TCF7L2: variants seen among roughly 807,000 people sequenced by gnomAD.
TCF7L2 encodes the protein transcription factor 7 like 2.
In TCF7L2, 23 loss-of-function variants were observed where a neutral mutation model predicts 77.9. The ratio of observed to expected loss-of-function variants is 0.30; its 90% CI spans 0.21 to 0.42. TCF7L2 has a LOEUF of 0.42. Ranked by LOEUF, TCF7L2 falls within the 10% of genes least tolerant of loss-of-function variation. The probability of loss-of-function intolerance (pLI) is 1.00; values close to 1 mark genes in which losing one functional copy is unlikely to be tolerated. For missense variants in TCF7L2, 654 were observed against 793.1 expected (o/e 0.82, Z 2.11); for synonymous variants, 413 against 340.2 (o/e 1.21, Z -2.36).
chr10:113,116,432 G>A (rs1050397620), intron 5 of TCF7L2, among the ~76,000 whole-genome samples: 8 of 152,112 alleles, frequency 5.3e-5, no homozygotes, highest in Non-Finnish European at 1.2e-4. Flanking sequence ...TGCAAACATT[G>A]CCAGTATCTT....
At chr10:112,951,650 C>T (rs1194803149) in intron 3 of TCF7L2, 43 bp downstream of exon 3, 2 of 1,064,472 alleles carry the variant, frequency 1.9e-6, no homozygotes, top group South Asian at 8.7e-5. Context: ...GCCCGCCCGC[C>T]CGCGCCGCCC....
intron 11 of TCF7L2, among the ~76,000 whole-genome samples, chr10:113,155,041 A>G (rs935265800): frequency 1.4e-5 from 2 of 145,502 alleles, no homozygotes; most frequent in African/African-American, 5.2e-5. Flanking sequence ...TACTTTGGTC[A>G]TTGTAAACTC....
chr10:113,128,225 CACTT>C (rs1353694173), intron 5 of TCF7L2, among the ~76,000 whole-genome samples: 7 of 152,108 alleles, frequency 4.6e-5, no homozygotes, highest in African/African-American at 7.2e-5. Flanking sequence ...TGCTGCCTGA[CACTT>C]ACACAGGAAG....
At chr10:113,085,652 T>G (rs1311476879) in intron 5 of TCF7L2, among the ~76,000 whole-genome samples, 1 of 152,198 alleles carries the variant, frequency 6.6e-6, no homozygotes, top group Non-Finnish European at 1.5e-5. Context: ...CCTTGATTCT[T>G]GATCCACGTG....
intron 5 of TCF7L2, among the ~76,000 whole-genome samples, chr10:113,130,585 G>C (rs960531624): frequency 6.6e-6 from 1 of 152,028 alleles, no homozygotes; most frequent in African/African-American, 2.4e-5. Flanking sequence ...CTTGCTTGTG[G>C]TGTGTTTTGT....
intron 4 of TCF7L2, among the ~76,000 whole-genome samples, chr10:113,007,075 C>T (rs1243216350): frequency 3.3e-5 from 5 of 152,228 alleles, no homozygotes; most frequent in African/African-American, 7.2e-5. Context: ...TGTGTATTAC[C>T]TGGGATGACT....
At chr10:113,041,928 C>G (rs2052519249) in intron 5 of TCF7L2, among the ~76,000 whole-genome samples, 1 of 151,932 alleles carries the variant, frequency 6.6e-6, no homozygotes, top group Admixed American at 6.6e-5. Flanking sequence ...CTTCGTTGTT[C>G]TCTCTCTTTG....
intron 5 of TCF7L2, among the ~76,000 whole-genome samples, chr10:113,069,285 C>T (rs1172071408): frequency 6.6e-6 from 1 of 151,382 alleles, no homozygotes; most frequent in Non-Finnish European, 1.5e-5. Context: ...GCTGGAGTGC[C>T]GTGGTGCAAT....
chr10:113,162,658 CCT>C (rs1421006041), intron 13 of TCF7L2, among the ~76,000 whole-genome samples: 27 of 152,314 alleles, frequency 1.8e-4, no homozygotes, highest in African/African-American at 6.5e-4. Context: ...TCCCCAGGTC[CCT>C]GTCTCCACCT....
At chr10:113,071,107 A>T (rs2057951180) in intron 5 of TCF7L2, among the ~76,000 whole-genome samples, 1 of 152,132 alleles carries the variant, frequency 6.6e-6, no homozygotes, top group African/African-American at 2.4e-5. Flanking sequence ...CTTAGCTCAG[A>T]TGTCGCCCTA....
intron 4 of TCF7L2, among the ~76,000 whole-genome samples, chr10:113,019,117 C>T (rs1257345137): frequency 6.6e-6 from 1 of 152,234 alleles, no homozygotes; most frequent in African/African-American, 2.4e-5. Flanking sequence ...TCACTCTTCT[C>T]TCTGCCAGCA....
chr10:113,157,924 G>A, intron 11 of TCF7L2, 97 bp from the exon 12 acceptor site: 1 of 1,295,770 alleles, frequency 7.7e-7, no homozygotes, highest in African/African-American at 1.5e-5. Context: ...ATGGCAGTAT[G>A]GTCACTTCCT....
chr10:112,963,499 C>T (rs1193701841), intron 3 of TCF7L2, among the ~76,000 whole-genome samples: 6 of 152,096 alleles, frequency 3.9e-5, no homozygotes. Context: ...AGTTGATTTG[C>T]CTGTTGCAAG....
intron 5 of TCF7L2, among the ~76,000 whole-genome samples, chr10:113,045,452 A>G (rs1372891731): frequency 6.6e-6 from 1 of 152,200 alleles, no homozygotes; most frequent in Non-Finnish European, 1.5e-5. Context: ...TGCTTAGAGC[A>G]CAATGTGTGT....
rs144857403 is a variant in TCF7L2 at position 113,052,794 on chromosome 10, C to T, written c.552+12668C>T. On this transcript the variant is annotated intron_variant, in intron 5 of 13. Coordinates refer to ENST00000627217, the MANE Select transcript of TCF7L2 (RefSeq NM_001146274.2). ...GATCTAGTCGTATTTCTGAGAGTTA[C>T]TCAAACTGGACTTCAGCAGTGAACT... 7.7e-4 allele frequency among the ~76,000 whole-genome samples: 117 copies of T among 152,324 alleles called. 1 individual carries two copies. In the East Asian group the frequency reaches 0.016, roughly 21 times the overall value.
At chr10:113,049,531 C>T (rs142619421) in intron 5 of TCF7L2, among the ~76,000 whole-genome samples, 393 of 152,170 alleles carry the variant, frequency 2.6e-3, no homozygotes, top group African/African-American at 9.0e-3. Flanking sequence ...GAGTCCAGTG[C>T]CATCATCTCT....
In TCF7L2 at chr10:113,093,900, T is replaced by A. The variant is rs2060653515; in HGVS notation, c.553-47284T>A. Among the ~76,000 whole-genome samples, 3 of 152,224 alleles carry A rather than the reference T, an allele frequency of 2.0e-5. No homozygotes were observed. In the South Asian group the frequency reaches 6.2e-4, roughly 31 times the overall value. ...CACGGAAATACTTGCAAACAAACTT[T>A]TAAAAAGTTCATTGTCCAAAGCCTT... On this transcript the variant is annotated intron_variant, in intron 5 of 13. Transcript: ENST00000627217.
chr10:113,071,233 G>A (rs954871564), intron 5 of TCF7L2, among the ~76,000 whole-genome samples: 3 of 152,168 alleles, frequency 2.0e-5, no homozygotes, highest in African/African-American at 7.2e-5. Context: ...GAGTAGAAAT[G>A]AGCCATGTTC....
intron 5 of TCF7L2, among the ~76,000 whole-genome samples, chr10:113,057,526 G>C (rs993395838): frequency 6.6e-6 from 1 of 152,196 alleles, no homozygotes; most frequent in Non-Finnish European, 1.5e-5. Context: ...TGGGACTTCT[G>C]TTGGGGGTCA....
Sources: gnomAD v4.1 joint callset for allele counts (sites outside exome capture counted in the v4.1 genomes callset) on GRCh38, gnomAD v4.1.1 for gene constraint, MANE v1.5 for transcripts, NCBI Gene and HGNC (gene_info 2026-07-23, HGNC 2026-07-21) for gene names.